COL4A3: variants seen among roughly 807,000 people sequenced by gnomAD.
COL4A3 encodes collagen type IV alpha 3 chain.
A neutral mutation model predicts 217.4 loss-of-function variants in COL4A3; 135 were observed. The observed-to-expected ratio is 0.62, with a 90% CI of 0.54 to 0.72. The LOEUF (loss-of-function observed/expected upper bound fraction) is 0.72. Ranked by LOEUF, COL4A3 falls within the 30% of genes least tolerant of loss-of-function variation. The probability of loss-of-function intolerance (pLI) is 0.00; values close to 1 mark genes in which losing one functional copy is unlikely to be tolerated. For missense variants in COL4A3, 1,868 were observed against 2,119.9 expected (o/e 0.88, Z 2.33); for synonymous variants, 690 against 736.3 (o/e 0.94, Z 1.02).
At chr2:227,256,239 T>A in intron 16 of COL4A3, 104 bp from the exon 17 acceptor site, 1 of 1,182,068 alleles carries the variant, frequency 8.5e-7, no homozygotes, top group Non-Finnish European at 1.3e-6. Context: ...AGAGATCATC[T>A]GAGCACATTC....
rs1455775497 is a variant in COL4A3, at chr2:227,253,564, G to A, written c.691G>A (p.Val231Met). The change falls in exon 13 of 52, where the codon GTG becomes ATG. Residue 231 changes from valine (V) to methionine (M), a missense_variant. Val to Met is a conservative substitution (Grantham distance 21, BLOSUM62 1). This residue lies in a region of COL4A3 where 365 missense variants were observed against 333.8 expected (regional missense o/e 1.09). Transcript: ENST00000396578. This position sits in a 1 kb window ranked among gnomAD's most constrained non-coding sequence, Gnocchi z 4.4. ...TCCTGAGTGTTTTTGTCTTTAGGGT[G>A]TGAAAGGGTTAACAGGACCCCCGGG... ...RVIGHKGERG[V>M]KGLTGPPGPP... The A allele has an allele frequency of 2.5e-6, 4 of 1,613,662 alleles. No individual in the cohort carries two copies. Among genetic ancestry groups the A allele is most frequent in the Admixed American group, 3.3e-5 (2 of 60,020 alleles).
At chr2:227,311,134 A>T (rs1325854940) in intron 51 of COL4A3, among the ~76,000 whole-genome samples, 186 bp downstream of exon 51, 2 of 152,220 alleles carry the variant, frequency 1.3e-5, no homozygotes, top group Non-Finnish European at 2.9e-5. Context: ...ATTACTTGAT[A>T]CAATCACAAA....
rs1275648901 is a variant in COL4A3, at chr2:227,305,089, C to A, written c.4252+6C>A. On this transcript the variant is annotated splice_donor_region_variant and intron_variant, in intron 47 of 51. Coordinates refer to ENST00000396578, the MANE Select transcript of COL4A3 (RefSeq NM_000091.5). ...AGGTTCTAAAGGAGAGCCAGGTAAACCCCCAGCTTGTTTCCTCACCGAAGA... is the reference window on the plus strand; with the variant it reads ...AGGTTCTAAAGGAGAGCCAGGTAAAACCCCAGCTTGTTTCCTCACCGAAGA... 5.6e-6 allele frequency: 9 copies of A among 1,612,022 alleles called. No individual in the cohort carries two copies. The highest frequency in any genetic ancestry group is 7.6e-6 in the Non-Finnish European group (9 of 1,178,718).
At position 227,314,102 on chromosome 2, in the gene COL4A3, T is replaced by C. The variant is rs1166000190; in HGVS notation, c.*2232T>C. On this transcript the variant is annotated 3_prime_UTR_variant, in exon 52 of 52. Transcript: ENST00000396578. Reference sequence around the variant, plus strand: ...TACAACTGCTCCATCCGTGCCTCTTTTTAAAGTTCAAACTCACAGGTGACT... The same window carrying C: ...TACAACTGCTCCATCCGTGCCTCTTCTTAAAGTTCAAACTCACAGGTGACT... 1.3e-5 allele frequency: 2 copies of C among 152,656 alleles called. No individual in the cohort carries two copies. The highest frequency in any genetic ancestry group is 2.4e-5 in the African/African-American group (1 of 41,450). 9.5% of individuals were successfully genotyped at this position (152,656 alleles called of 1,614,324 possible). A position where few individuals can be genotyped will look rare whatever the true frequency, so the allele number is the denominator to read the frequency against.
intron 4 of COL4A3, 52 bp downstream of exon 4, chr2:227,244,416 G>GT (rs2069198085): frequency 7.2e-6 from 11 of 1,531,448 alleles, no homozygotes; most frequent in Non-Finnish European, 8.1e-6. Context: ...GCTTTTCACA[G>GT]TAAGAGTTAT....
chr2:227,279,135 T>G (rs1326845738), intron 28 of COL4A3, among the ~76,000 whole-genome samples: 5 of 151,018 alleles, frequency 3.3e-5, no homozygotes, highest in African/African-American at 4.9e-5. Flanking sequence ...TGGAGTGTAA[T>G]TGGCACTATC....
chr2:227,187,760 G>T (rs1466197796), intron 1 of COL4A3, among the ~76,000 whole-genome samples: 1 of 152,126 alleles, frequency 6.6e-6, no homozygotes, highest in Non-Finnish European at 1.5e-5. Context: ...TGCCTACTCA[G>T]CTTCCACATC....
chr2:227,237,830 A>G (rs1325656737), intron 1 of COL4A3, 138 bp from the exon 2 acceptor site: 1 of 710,612 alleles, frequency 1.4e-6, no homozygotes, highest in East Asian at 2.7e-5. Context: ...CTATTGATAT[A>G]TTGCTACAAG....
chr2:227,194,951 T>C (rs1324796170), intron 1 of COL4A3, among the ~76,000 whole-genome samples: 3 of 152,156 alleles, frequency 2.0e-5, no homozygotes, highest in African/African-American at 7.2e-5. Context: ...CTTAAATGAT[T>C]TCCTGTTAGA....
intron 20 of COL4A3, among the ~76,000 whole-genome samples, chr2:227,263,149 G>C (rs2070694567): frequency 6.6e-6 from 1 of 152,182 alleles, no homozygotes; most frequent in South Asian, 2.1e-4. Context: ...TTATCTTTGT[G>C]TTCAAATAAT....
intron 1 of COL4A3, among the ~76,000 whole-genome samples, chr2:227,172,449 G>T (rs1334133244): frequency 6.6e-6 from 1 of 152,050 alleles, no homozygotes; most frequent in Non-Finnish European, 1.5e-5. Context: ...GTTCGGCGGG[G>T]GTGGTTGGGG....
In COL4A3 at chr2:227,303,103, C is replaced by A. The variant is rs368594549; in HGVS notation, c.3948C>A (p.Gly1316=). The A allele has an allele frequency of 1.2e-6, 2 of 1,613,354 alleles. No individual in the cohort carries two copies. Among genetic ancestry groups the A allele is most frequent in the Non-Finnish European group, 1.7e-6 (2 of 1,179,418 alleles). ...ATCCTGGATTCCAGGGGTTTCCAGG[C>A]GTGAAAGGTACTGTTTTTGTGCATT... ...RGDPGFQGFP[G]VKGEKGNPGF... The change falls in exon 44 of 52, where the codon GGC becomes GGA. Residue 1316 remains glycine, a synonymous_variant. Transcript: ENST00000396578.
chr2:227,288,510 T>C (rs1238056079), intron 34 of COL4A3, among the ~76,000 whole-genome samples: 3 of 152,196 alleles, frequency 2.0e-5, no homozygotes, highest in Non-Finnish European at 2.9e-5. Flanking sequence ...TGGATTCAAA[T>C]CCAAGTGTTA....
chr2:227,225,588 A>G (rs558105456), intron 1 of COL4A3, among the ~76,000 whole-genome samples: 1 of 152,244 alleles, frequency 6.6e-6, no homozygotes, highest in Non-Finnish European at 1.5e-5. Context: ...TTCCCAGTGC[A>G]GGGTTGCACC....
At chr2:227,249,493 C>G (rs1211255101) in intron 9 of COL4A3, among the ~76,000 whole-genome samples, 1 of 151,544 alleles carries the variant, frequency 6.6e-6, no homozygotes, top group Non-Finnish European at 1.5e-5. Flanking sequence ...ACTTCAGCCT[C>G]CCAAAGTGCT....
chr2:227,198,762 G>A (rs981573771), intron 1 of COL4A3, among the ~76,000 whole-genome samples: 11 of 152,134 alleles, frequency 7.2e-5, no homozygotes, highest in Admixed American at 3.3e-4. Flanking sequence ...AGAAGAGCCT[G>A]TAGAAAAGGA....
intron 14 of COL4A3, among the ~76,000 whole-genome samples, 167 bp from the exon 15 acceptor site, chr2:227,254,489 A>G (rs1216480128): frequency 6.6e-6 from 1 of 152,194 alleles, no homozygotes; most frequent in Non-Finnish European, 1.5e-5. Context: ...CTTTTTTAGC[A>G]TCTGTTTTTT....
intron 37 of COL4A3, among the ~76,000 whole-genome samples, chr2:227,291,335 G>A (rs1171608599): frequency 4.6e-5 from 7 of 151,828 alleles, no homozygotes; most frequent in Non-Finnish European, 7.4e-5. Flanking sequence ...AGGCCGAGAC[G>A]GGCGGATCAC....
intron 1 of COL4A3, among the ~76,000 whole-genome samples, chr2:227,234,436 G>A (rs2068579366): frequency 6.6e-6 from 1 of 152,210 alleles, no homozygotes. Flanking sequence ...TTTGATCATA[G>A]TTGTTCATAA....
Sources: gnomAD v4.1 joint callset for allele counts (sites outside exome capture counted in the v4.1 genomes callset) on GRCh38, gnomAD v4.1.1 for gene constraint, gnomAD v4.1.1 regional missense constraint, Gnocchi (gnomAD v3.1) non-coding constraint, MANE v1.5 for transcripts, NCBI Gene and HGNC (gene_info 2026-07-23, HGNC 2026-07-21) for gene names.